The following SMTNL2 variants were observed in gnomAD, a reference collection of about 807,000 sequenced individuals.
SMTNL2 encodes smoothelin-like protein 2.
Under a neutral mutation model 44.1 loss-of-function variants are expected in SMTNL2, and 43 were observed. That is an observed-to-expected ratio of 0.98 (90% confidence interval 0.76 to 1.26). SMTNL2 has a LOEUF of 1.26. SMTNL2 is among the 50% of genes most tolerant of loss of function. The pLI is 0.00. For missense variants in SMTNL2, 646 were observed against 670.2 expected, an observed-to-expected ratio of 0.96 and a Z score of 0.40; for synonymous variants, 317 against 287.6, an observed-to-expected ratio of 1.10 and a Z score of -1.03.
At chr17:4,603,877 C>T (rs370690194) in intron 7 of SMTNL2, among the ~76,000 whole-genome samples, 3 of 151,828 alleles carry the variant, frequency 2.0e-5, no homozygotes, top group Non-Finnish European at 2.9e-5. Context: ...TAGAGTCTCA[C>T]TCTGTCGCCC....
In SMTNL2 at chr17:4,598,900, C is replaced by T. The variant is rs567418477; in HGVS notation, c.1259+1577C>T. Among the ~76,000 whole-genome samples the T allele has an allele frequency of 1.3e-3, 202 of 152,238 alleles. No homozygotes were observed. The highest frequency in any genetic ancestry group is 6.8e-3 in the Middle Eastern group (2 of 294). ...CACCCCAGGCCTCACCTGCCTTCCT[C>T]ATTCCTTTCCCAGCCCAACCACCAA... On this transcript the variant is annotated intron_variant, in intron 7 of 7. Transcript: ENST00000389313. This position sits in a 1 kb window ranked among gnomAD's most constrained non-coding sequence, Gnocchi z 4.8.
intron 7 of SMTNL2, among the ~76,000 whole-genome samples, chr17:4,602,007 C>T (rs565595304): frequency 1.3e-5 from 2 of 152,164 alleles, no homozygotes; most frequent in African/African-American, 2.4e-5. Flanking sequence ...CTGCAGCTTC[C>T]AGGAATCTTG....
chr17:4,596,217 A>G (rs1194009635), intron 5 of SMTNL2, among the ~76,000 whole-genome samples: 1 of 140,860 alleles, frequency 7.1e-6, no homozygotes, highest in Non-Finnish European at 1.5e-5. Context: ...TGCTGTGTGC[A>G]GAGTGTGGCC....
chr17:4,605,833 T>C (rs999020665), intron 7 of SMTNL2, among the ~76,000 whole-genome samples: 1 of 152,184 alleles, frequency 6.6e-6, no homozygotes. Context: ...GACCCAGGCA[T>C]ACTGTAAGCA....
chr17:4,595,775 C>T lies in SMTNL2; in HGVS notation c.989+448C>T, dbSNP rs990827174. Among the ~76,000 whole-genome samples, 7 of 152,232 alleles carry T rather than the reference C, an allele frequency of 4.6e-5. No homozygotes were observed. The highest frequency in any genetic ancestry group is 1.3e-4 in the Admixed American group (2 of 15,286). On this transcript the variant is annotated intron_variant, in intron 5 of 7. Transcript: ENST00000389313. The surrounding 1 kb of genome is among the most constrained non-coding windows in gnomAD (Gnocchi z 5.1). ...TGCCCAAGGACCGAAGGTGATGCCA[C>T]GGGGCCGAGTGGCCTCCAGCCTGCT...
intron 1 of SMTNL2, among the ~76,000 whole-genome samples, chr17:4,591,047 G>A (rs773974114): frequency 6.6e-6 from 1 of 152,176 alleles, no homozygotes; most frequent in Admixed American, 6.5e-5. Context: ...CCTCCACCGG[G>A]CTCACTCTGG....
intron 1 of SMTNL2, 40 bp downstream of exon 1, chr17:4,585,044 G>C (rs1909291376): frequency 3.1e-6 from 4 of 1,298,576 alleles, no homozygotes; most frequent in South Asian, 2.1e-5. Context: ...CCAGGGAGTG[G>C]GGCTCCGAAC....
chr17:4,589,264 A>ATT (rs892109858), intron 1 of SMTNL2, among the ~76,000 whole-genome samples: 3 of 152,012 alleles, frequency 2.0e-5, no homozygotes, highest in African/African-American at 7.2e-5. Flanking sequence ...AGAGAAACAT[A>ATT]TTTCCTGGGA....
intron 7 of SMTNL2, among the ~76,000 whole-genome samples, chr17:4,599,720 C>A (rs933345178): frequency 2.6e-5 from 4 of 152,220 alleles, no homozygotes; most frequent in Non-Finnish European, 5.9e-5. Context: ...CCCTTGGCAG[C>A]CAGAACCAGA....
rs1216939321 is a variant in SMTNL2, at chr17:4,593,176, G to T, written c.730+5G>T. On this transcript the variant is annotated splice_donor_5th_base_variant and intron_variant, in intron 3 of 7. Coordinates refer to ENST00000389313, the MANE Select transcript of SMTNL2 (RefSeq NM_001114974.2). ...CCTGGACTCCCAGTCCTAGCGGTAT[G>T]AGCTGGAGAGCGTGGCCTTGGGGCA... 3 of 1,580,590 alleles carry T rather than the reference G, an allele frequency of 1.9e-6. No individual in the cohort carries two copies. The highest frequency in any genetic ancestry group is 2.7e-5 in the African/African-American group (2 of 74,286).
chr17:4,591,041 C>T (rs1909551683), intron 1 of SMTNL2, among the ~76,000 whole-genome samples: 1 of 152,234 alleles, frequency 6.6e-6, no homozygotes, highest in African/African-American at 2.4e-5. Context: ...CTTGCTCCTC[C>T]ACCGGGCTCA....
Position 4,607,021 on chromosome 17 carries a change from G to A in SMTNL2, c.1260-340G>A, listed in dbSNP as rs1910306443. 6.6e-6 allele frequency among the ~76,000 whole-genome samples: 1 copy of A among 152,128 alleles called. No individual in the cohort carries two copies. Among genetic ancestry groups the A allele is most frequent in the Non-Finnish European group, 1.5e-5 (1 of 68,016 alleles). ...GATCACTTGGGCCTAGGAGATCGAG[G>A]CTGCAATAAGCTAGGATCGTGCCTC... On this transcript the variant is annotated intron_variant, in intron 7 of 7. Coordinates refer to ENST00000389313, the MANE Select transcript of SMTNL2 (RefSeq NM_001114974.2). This position sits in a 1 kb window ranked among gnomAD's most constrained non-coding sequence, Gnocchi z 4.7.
At position 4,584,559 on chromosome 17, in the gene SMTNL2, C is replaced by G; in HGVS notation, c.-47C>G. 1.6e-6 allele frequency: 2 copies of G among 1,216,880 alleles called. No individual in the cohort carries two copies. Among genetic ancestry groups the G allele is most frequent in the South Asian group, 4.0e-5 (1 of 25,088 alleles). 75.4% of individuals were successfully genotyped at this position (1,216,880 alleles called of 1,614,324 possible). ...CGGCCCGGAGCTGCGGAGCTCGGATCTTCTCCCCCGTCTGGCCCGCTCTCG... is the reference window on the plus strand; with the variant it reads ...CGGCCCGGAGCTGCGGAGCTCGGATGTTCTCCCCCGTCTGGCCCGCTCTCG... On this transcript the variant is annotated 5_prime_UTR_variant, in exon 1 of 8. In the 5' UTR this introduces an upstream ATG that the reference lacks. Transcript: ENST00000389313.
intron 7 of SMTNL2, among the ~76,000 whole-genome samples, chr17:4,603,009 G>A (rs908673652): frequency 6.6e-6 from 1 of 152,192 alleles, no homozygotes; most frequent in Non-Finnish European, 1.5e-5. Context: ...TCTGGACAGC[G>A]GAGGATGACA....
chr17:4,606,685 A>G (rs1247136792), intron 7 of SMTNL2, among the ~76,000 whole-genome samples: 12 of 151,382 alleles, frequency 7.9e-5, no homozygotes, highest in Non-Finnish European at 7.4e-5. Context: ...CAGGTGGATC[A>G]CCTGAGGTCA....
In SMTNL2 at chr17:4,592,427, A is replaced by C; in HGVS notation, c.466A>C (p.Asn156His). The C allele has an allele frequency of 6.2e-7, 1 of 1,613,108 alleles. No individual in the cohort carries two copies. The highest frequency in any genetic ancestry group is 8.5e-7 in the Non-Finnish European group (1 of 1,179,790). ...RKTSNSCIME[N>H]GHQPGAGPGD... ...GACCTCAAACTCCTGCATCATGGAA[A>C]ATGGGCACCAGCCGGGGGCAGGTAG... is the stretch of plus-strand genomic sequence containing the variant. Residue 156 changes from asparagine to histidine, a missense_variant, in exon 2 of 8, where the codon AAT (asparagine) becomes CAT (histidine). Physicochemically the swap from Asn to His is moderately conservative, Grantham distance 68. Transcript: ENST00000389313. This position sits in a 1 kb window ranked among gnomAD's most constrained non-coding sequence, Gnocchi z 4.5.
intron 7 of SMTNL2, among the ~76,000 whole-genome samples, chr17:4,597,720 G>A (rs8073231): frequency 0.03 from 4,563 of 152,314 alleles, 238 homozygotes; most frequent in African/African-American, 0.1. Context: ...ACAGCTGCCA[G>A]TTAGCAAGGA....
Position 4,607,421 on chromosome 17 carries a change from G to A in SMTNL2, c.1320G>A (p.Lys440=). ...AGGACATGATGGTGATGGGCCGCAAGCCGGACCCCATGTGTGTCTTCACCT... is the reference window on the plus strand; with the variant it reads ...AGGACATGATGGTGATGGGCCGCAAACCGGACCCCATGTGTGTCTTCACCT... The part of the protein sequence containing the change: ...EVEDMMVMGR[K]PDPMCVFTYV... The change falls in exon 8 of 8, where the codon AAG becomes AAA. Residue 440 remains lysine, a synonymous_variant. Transcript: ENST00000389313. This position sits in a 1 kb window ranked among gnomAD's most constrained non-coding sequence, Gnocchi z 4.7. 1 of 1,614,204 alleles carries A rather than the reference G, an allele frequency of 6.2e-7. No homozygotes were observed. The highest frequency in any genetic ancestry group is 8.5e-7 in the Non-Finnish European group (1 of 1,180,036).
intron 5 of SMTNL2, among the ~76,000 whole-genome samples, chr17:4,596,019 G>A (rs1381047352): frequency 9.0e-6 from 1 of 111,584 alleles, no homozygotes. Context: ...CTGTGTGCAG[G>A]GTGTGGCCCA....
Sources: gnomAD v4.1 joint callset for allele counts (sites outside exome capture counted in the v4.1 genomes callset) on GRCh38, gnomAD v4.1.1 for gene constraint, Gnocchi (gnomAD v3.1) non-coding constraint, MANE v1.5 for transcripts, NCBI Gene and HGNC (gene_info 2026-07-23, HGNC 2026-07-21) for gene names.